ITGBL1: variants seen among roughly 807,000 people sequenced by gnomAD.
The protein encoded by ITGBL1 is integrin subunit beta like 1.
In ITGBL1, 51 loss-of-function variants were observed where a neutral mutation model predicts 68.5. The observed-to-expected ratio is 0.74, with a 90% confidence interval of 0.59 to 0.94. ITGBL1 has a LOEUF of 0.94. ITGBL1 is among the 40% of genes least tolerant of loss of function. The pLI is 0.00. For synonymous variants in ITGBL1, 209 were observed against 227.3 expected, an observed-to-expected ratio of 0.92 and a Z score of 0.72; for missense variants, 649 against 647.4, an observed-to-expected ratio of 1.00 and a Z score of -0.03.
Position 101,692,586 on chromosome 13 carries a change from T to G in ITGBL1, c.1017T>G (p.Gly339=), listed in dbSNP as rs758246634. The change falls in exon 8 of 11, where the codon GGT becomes GGG. Residue 339 remains glycine (G), a splice_region_variant and synonymous_variant. Coordinates refer to ENST00000376180, the MANE Select transcript of ITGBL1 (RefSeq NM_004791.3). ...GTGCACTTTCTTTATACTTTCCAGG[T>G]AAATGTGAATGTGGCAAATGCACCT... ...GSSDLPCSGR[G]KCECGKCTCY... 1.2e-6 allele frequency: 2 copies of G among 1,606,744 alleles called. No individual in the cohort carries two copies. The highest frequency in any genetic ancestry group is 1.7e-6 in the Non-Finnish European group (2 of 1,173,370).
chr13:101,630,113 C>T (rs1431074606), intron 7 of ITGBL1, among the ~76,000 whole-genome samples: 1 of 152,052 alleles, frequency 6.6e-6, no homozygotes, highest in Non-Finnish European at 1.5e-5. Context: ...TGAGCCACCG[C>T]GCCTGGCCTT....
chr13:101,657,829 A>G (rs1054334017), intron 7 of ITGBL1, among the ~76,000 whole-genome samples: 2 of 152,226 alleles, frequency 1.3e-5, no homozygotes, highest in African/African-American at 4.8e-5. Context: ...CCTCTCTTTA[A>G]TAATCTAGTG....
At chr13:101,632,139 C>T (rs2032003253) in intron 7 of ITGBL1, among the ~76,000 whole-genome samples, 1 of 148,416 alleles carries the variant, frequency 6.7e-6, no homozygotes, top group Non-Finnish European at 1.5e-5. Context: ...TTCTCTCTCT[C>T]TCTCTCTCTC....
intron 2 of ITGBL1, among the ~76,000 whole-genome samples, chr13:101,478,556 A>G (rs977920192): frequency 2.6e-5 from 4 of 152,106 alleles, no homozygotes; most frequent in Non-Finnish European, 4.4e-5. Flanking sequence ...TTGTTTGCAG[A>G]TGATATGATC....
intron 2 of ITGBL1, among the ~76,000 whole-genome samples, chr13:101,544,859 C>G (rs183949185): frequency 6.6e-6 from 1 of 152,198 alleles, no homozygotes; most frequent in Admixed American, 6.5e-5. Flanking sequence ...AAGTCAGGCG[C>G]GAGATATAAT....
At chr13:101,542,901 G>C (rs372087895) in intron 2 of ITGBL1, among the ~76,000 whole-genome samples, 2 of 149,474 alleles carry the variant, frequency 1.3e-5, no homozygotes. Flanking sequence ...TTTGTTTTCC[G>C]TTTGCTTGGT....
At chr13:101,514,852 G>A (rs1441079602) in intron 2 of ITGBL1, among the ~76,000 whole-genome samples, 1 of 152,018 alleles carries the variant, frequency 6.6e-6, no homozygotes, top group Admixed American at 6.6e-5. Flanking sequence ...CTTTGCTCCT[G>A]AGGTCCCAGG....
In ITGBL1 at chr13:101,652,900, C is replaced by A. The variant is rs2032795058; in HGVS notation, c.1016-39685C>A. Among the ~76,000 whole-genome samples, 8 of 151,994 alleles carry A rather than the reference C, an allele frequency of 5.3e-5. No homozygotes were observed. The South Asian group carries it at 1.7e-3, about 32-fold the overall frequency. On this transcript the variant is annotated intron_variant, in intron 7 of 10. Transcript: ENST00000376180. ...ATCACTGGAGGTCGAGAGTTTGAGA[C>A]CAGCCTGACCAACATGGAGAAACCC... is the stretch of plus-strand genomic sequence containing the variant.
intron 7 of ITGBL1, among the ~76,000 whole-genome samples, chr13:101,622,701 C>A (rs9518464): frequency 0.083 from 12,550 of 152,042 alleles, 844 homozygotes; most frequent in African/African-American, 0.18. Context: ...GTGTTTTTTT[C>A]TTTTAAATAA....
Position 101,471,518 on chromosome 13 carries a change from GTGTGTGTGTATGTA to G in ITGBL1, c.316+17428_316+17441del, listed in dbSNP as rs1314709101. ...AGGCAACACAAATATATATGTGTGTGTGTGTGTGTATGTATGTGTGTGTGTGTGTGTGTGTGTGT... is the reference window on the plus strand; with the variant it reads ...AGGCAACACAAATATATATGTGTGTGTGTGTGTGTGTGTGTGTGTGTGTGT... On this transcript the variant is annotated intron_variant, in intron 2 of 10. Transcript: ENST00000376180. Among the ~76,000 whole-genome samples the G allele has an allele frequency of 5.8e-4, 66 of 114,206 alleles. 1 individual carries two copies. The highest frequency in any genetic ancestry group is 2.6e-3 in the African/African-American group (64 of 24,644). The allele number at this position is 114,206 out of a possible 152,430, so 74.9% of individuals were successfully genotyped here. A position where few individuals can be genotyped will look rare whatever the true frequency, so the allele number is the denominator to read the frequency against.
chr13:101,453,026 A>C, intron 1 of ITGBL1, 95 bp downstream of exon 1: 1 of 966,916 alleles, frequency 1.0e-6, no homozygotes, highest in Non-Finnish European at 1.7e-6. Flanking sequence ...AAGAGCTGTT[A>C]TTAAATTGGA....
At chr13:101,496,785 G>A (rs1049969546) in intron 2 of ITGBL1, among the ~76,000 whole-genome samples, 26 of 152,258 alleles carry the variant, frequency 1.7e-4, no homozygotes, top group African/African-American at 6.0e-4. Flanking sequence ...TGACTTTCAG[G>A]TAGGACAATC....
intron 7 of ITGBL1, among the ~76,000 whole-genome samples, chr13:101,669,201 A>C (rs924930841): frequency 6.6e-5 from 10 of 152,142 alleles, no homozygotes; most frequent in African/African-American, 2.4e-4. Flanking sequence ...AAGTATTAAA[A>C]GAAATAACAA....
chr13:101,649,782 T>A (rs1263198648), intron 7 of ITGBL1, among the ~76,000 whole-genome samples: 2 of 152,212 alleles, frequency 1.3e-5, no homozygotes, highest in Admixed American at 1.3e-4. Flanking sequence ...TTTTATTTTC[T>A]AATTTTTCAG....
chr13:101,582,007 A>C (rs994312271), intron 5 of ITGBL1, among the ~76,000 whole-genome samples: 1 of 152,188 alleles, frequency 6.6e-6, no homozygotes, highest in Non-Finnish European at 1.5e-5. Context: ...AAGATCTGCC[A>C]CTGCTACCCA....
intron 2 of ITGBL1, among the ~76,000 whole-genome samples, chr13:101,471,218 T>A (rs1182843116): frequency 1.3e-5 from 2 of 152,090 alleles, no homozygotes; most frequent in Non-Finnish European, 1.5e-5. Flanking sequence ...ACTGGCTCGA[T>A]TTTGGGAAGT....
chr13:101,638,094 A>G (rs1257627994), intron 7 of ITGBL1, among the ~76,000 whole-genome samples: 1 of 152,224 alleles, frequency 6.6e-6, no homozygotes. Context: ...ACATGTCATT[A>G]TACACAACTG....
chr13:101,704,046 G>A (rs969584001), intron 8 of ITGBL1, among the ~76,000 whole-genome samples: 4 of 152,032 alleles, frequency 2.6e-5, no homozygotes, highest in African/African-American at 9.7e-5. Context: ...CAAGTGTGTT[G>A]ACTCAGAGCC....
intron 7 of ITGBL1, among the ~76,000 whole-genome samples, chr13:101,626,974 C>T (rs2031803353): frequency 6.6e-6 from 1 of 152,112 alleles, no homozygotes; most frequent in African/African-American, 2.4e-5. Context: ...GAGTGAAATC[C>T]TGATTCAGAC....
Sources: allele counts gnomAD v4.1 joint callset (sites outside exome capture counted in the v4.1 genomes callset), GRCh38; gene constraint gnomAD v4.1.1; transcripts MANE v1.5; gene names NCBI Gene and HGNC (gene_info 2026-07-23, HGNC 2026-07-21).